The following MAN1A2 variants were observed in gnomAD, a reference collection of about 807,000 sequenced individuals.
The protein encoded by MAN1A2 is mannosidase alpha class 1A member 2, also known as mannosyl-oligosaccharide 1,2-alpha-mannosidase IB.
Under a neutral mutation model 75.7 loss-of-function variants are expected in MAN1A2, and 26 were observed. The observed-to-expected ratio is 0.34, with a 90% CI of 0.25 to 0.48. The LOEUF is 0.48. Ranked by LOEUF, MAN1A2 falls within the 20% of genes least tolerant of loss-of-function variation. The pLI is 0.99. For missense variants in MAN1A2, 562 were observed against 775.5 expected (o/e 0.72, Z 3.27); for synonymous variants, 247 against 264.6 (o/e 0.93, Z 0.65).
intron 12 of MAN1A2, among the ~76,000 whole-genome samples, chr1:117,518,983 C>T (rs1055965324): frequency 6.6e-6 from 1 of 151,970 alleles, no homozygotes; most frequent in Non-Finnish European, 1.5e-5. Flanking sequence ...TTCTGTCAAG[C>T]CCTCTCTCAG....
intron 6 of MAN1A2, among the ~76,000 whole-genome samples, chr1:117,445,195 C>G (rs1020849807): frequency 4.6e-5 from 7 of 151,882 alleles, no homozygotes; most frequent in African/African-American, 1.7e-4. Flanking sequence ...TTAAATCAAC[C>G]TTGAATTCCT....
intron 4 of MAN1A2, among the ~76,000 whole-genome samples, chr1:117,416,596 G>T (rs1388329423): frequency 3.3e-5 from 5 of 152,122 alleles, no homozygotes; most frequent in Non-Finnish European, 7.4e-5. Flanking sequence ...TTTAACTAGA[G>T]GATTTAATGT....
At chr1:117,373,247 C>T (rs1267187288) in intron 1 of MAN1A2, among the ~76,000 whole-genome samples, 4 of 152,088 alleles carry the variant, frequency 2.6e-5, no homozygotes, top group Admixed American at 2.0e-4. Flanking sequence ...TGTCTCATCC[C>T]TCTTCTGGAC....
At chr1:117,381,943 T>C (rs932819541) in intron 1 of MAN1A2, among the ~76,000 whole-genome samples, 1 of 151,758 alleles carries the variant, frequency 6.6e-6, no homozygotes, top group African/African-American at 2.4e-5. Context: ...CCAGTGATGA[T>C]GAGCATTTTT....
At chr1:117,376,116 T>C (rs1254213887) in intron 1 of MAN1A2, among the ~76,000 whole-genome samples, 1 of 152,114 alleles carries the variant, frequency 6.6e-6, no homozygotes, top group East Asian at 1.9e-4. Flanking sequence ...TTCACCGCGT[T>C]AGCCAGGATG....
intron 5 of MAN1A2, among the ~76,000 whole-genome samples, chr1:117,426,156 T>C (rs534069720): frequency 6.6e-6 from 1 of 152,246 alleles, no homozygotes; most frequent in African/African-American, 2.4e-5. Flanking sequence ...TCTTATAGCT[T>C]GCATAGTTTG....
chr1:117,458,495 ATCT>A (rs1649677385), intron 6 of MAN1A2, among the ~76,000 whole-genome samples: 1 of 54,932 alleles, frequency 1.8e-5, no homozygotes, highest in East Asian at 4.6e-4. Flanking sequence ...ATATATATAT[ATCT>A]ATATATATAT....
chr1:117,499,362 T>C lies in MAN1A2; in HGVS notation c.1505-20T>C, dbSNP rs1452533618. On this transcript the variant is annotated intron_variant, in intron 10 of 12. Transcript: ENST00000356554. Reference sequence around the variant, plus strand: ...ATAAATGGTTTATTTTGCTCAGTTATTTCTTTTGTCATGTTACAGCATTAA... The same window carrying C: ...ATAAATGGTTTATTTTGCTCAGTTACTTCTTTTGTCATGTTACAGCATTAA... 2.0e-6 allele frequency: 3 copies of C among 1,519,706 alleles called. No homozygotes were observed. The highest frequency in any genetic ancestry group is 1.4e-5 in the African/African-American group (1 of 70,458). The allele number at this position is 1,519,706 out of a possible 1,614,324, so 94.1% of individuals were successfully genotyped here.
At chr1:117,459,590 T>C (rs1443812566) in intron 6 of MAN1A2, among the ~76,000 whole-genome samples, 2 of 152,204 alleles carry the variant, frequency 1.3e-5, no homozygotes, top group African/African-American at 4.8e-5. Context: ...TTAACCTTTT[T>C]AGAAGATAAT....
chr1:117,508,772 AT>A (rs1194659166), intron 12 of MAN1A2, among the ~76,000 whole-genome samples: 1 of 150,176 alleles, frequency 6.7e-6, no homozygotes, highest in Non-Finnish European at 1.5e-5. Flanking sequence ...CCACATGTGC[AT>A]ACGTAACACA....
At chr1:117,460,179 A>G (rs192079875) in intron 6 of MAN1A2, among the ~76,000 whole-genome samples, 3 of 152,306 alleles carry the variant, frequency 2.0e-5, no homozygotes, top group East Asian at 3.9e-4. Context: ...TGGATTGCCT[A>G]CATTTGCATA....
At chr1:117,510,184 C>T (rs1447901089) in intron 12 of MAN1A2, among the ~76,000 whole-genome samples, 1 of 151,884 alleles carries the variant, frequency 6.6e-6, no homozygotes, top group Non-Finnish European at 1.5e-5. Flanking sequence ...TATATCTCTG[C>T]TCCCTGTGTG....
At chr1:117,387,773 G>A (rs1653585319) in intron 1 of MAN1A2, among the ~76,000 whole-genome samples, 1 of 152,062 alleles carries the variant, frequency 6.6e-6, no homozygotes, top group Admixed American at 6.6e-5. Flanking sequence ...GAAGATGCTG[G>A]CTGATTCAGT....
chr1:117,522,929 C>T lies in MAN1A2; in HGVS notation c.1898C>T (p.Thr633Ile), dbSNP rs574271944. The T allele has an allele frequency of 6.8e-6, 11 of 1,611,688 alleles. No individual in the cohort carries two copies. The highest frequency in any genetic ancestry group is 2.2e-5 in the East Asian group (1 of 44,840). ...PLPVLHLANTTLSGNPAVR is the reference protein window; with the variant it reads ...PLPVLHLANTILSGNPAVR ...CCTGTGTTACATTTAGCCAACACCA[C>T]ACTTTCAGGTAATCCTGCTGTTCGA... is the stretch of plus-strand genomic sequence containing the variant. Residue 633 changes from threonine (T) to isoleucine (I), a missense_variant, in exon 13 of 13, where the codon ACA becomes ATA. Thr to Ile is a moderately conservative substitution (Grantham distance 89). Transcript: ENST00000356554.
At chr1:117,466,148 T>C (rs1187788827) in intron 7 of MAN1A2, among the ~76,000 whole-genome samples, 186 bp from the exon 8 acceptor site, 1 of 152,100 alleles carries the variant, frequency 6.6e-6, no homozygotes, top group Non-Finnish European at 1.5e-5. Context: ...ACACATATCA[T>C]CTTATAAAAA....
At position 117,499,551 on chromosome 1, in the gene MAN1A2, A is replaced by T. The variant is rs762560709; in HGVS notation, c.1674A>T (p.Ala558=). The T allele has an allele frequency of 1.7e-5, 27 of 1,595,936 alleles. No individual in the cohort carries two copies. Among genetic ancestry groups the T allele is most frequent in the Non-Finnish European group, 2.1e-5 (25 of 1,171,682 alleles). ...ACAGGCAGTGGGGCTGGGAAGCAGC[A>T]CTGGTAAATAAGCCAATATTCCATT... The part of the protein sequence containing the change: ...PRYRQWGWEA[A]LAIEKYCRVN... The change falls in exon 11 of 13, where the codon GCA becomes GCT. Residue 558 remains alanine, a synonymous_variant. Transcript: ENST00000356554.
At chr1:117,417,554 T>TATAG (rs1648038926) in intron 4 of MAN1A2, among the ~76,000 whole-genome samples, 1 of 142,560 alleles carries the variant, frequency 7.0e-6, no homozygotes, top group South Asian at 2.2e-4. Context: ...TATATATATA[T>TATAG]ATATGTGATA....
At chr1:117,427,948 A>T (rs1648430381) in intron 5 of MAN1A2, among the ~76,000 whole-genome samples, 1 of 152,214 alleles carries the variant, frequency 6.6e-6, no homozygotes, top group Non-Finnish European at 1.5e-5. Context: ...CAAGATTGTA[A>T]GGTTTCTCCA....
chr1:117,426,235 C>G (rs1410015019), intron 5 of MAN1A2, among the ~76,000 whole-genome samples: 1 of 150,054 alleles, frequency 6.7e-6, no homozygotes, highest in African/African-American at 2.5e-5. Context: ...CATTTGGTTG[C>G]CTTTAAAATT....
Sources: gnomAD v4.1 joint callset for allele counts (sites outside exome capture counted in the v4.1 genomes callset) on GRCh38, gnomAD v4.1.1 for gene constraint, MANE v1.5 for transcripts, NCBI Gene and HGNC (gene_info 2026-07-23, HGNC 2026-07-21) for gene names.